The following RNASEH2B variants were observed in gnomAD, a reference collection of about 807,000 sequenced individuals.
RNASEH2B encodes the protein Aicardi-Goutieres syndrome 2 protein.
A neutral mutation model predicts 45.0 loss-of-function variants in RNASEH2B; 36 were observed. The observed-to-expected ratio is 0.80, with a 90% CI of 0.61 to 1.06. The LOEUF (loss-of-function observed/expected upper bound fraction) is 1.06. Ranked by LOEUF, RNASEH2B falls within the 50% of genes least tolerant of loss-of-function variation. The pLI, the probability that RNASEH2B is intolerant of heterozygous loss-of-function variation, is 0.00. For missense variants in RNASEH2B, 361 were observed against 360.3 expected, an observed-to-expected ratio of 1.00 and a Z score of -0.02; for synonymous variants, 119 against 125.7, an observed-to-expected ratio of 0.95 and a Z score of 0.35.
exon 10 of RNASEH2B, chr13:50,970,288 T>G (rs1476927175): frequency 4.0e-6 from 2 of 505,912 alleles, no homozygotes; most frequent in African/African-American, 2.0e-5. Context: ...TTAAAGTACT[T>G]GATTGTCTTG....
At chr13:50,931,117 G>A (rs1022695135) in intron 4 of RNASEH2B, among the ~76,000 whole-genome samples, 1 of 152,150 alleles carries the variant, frequency 6.6e-6, no homozygotes, top group Non-Finnish European at 1.5e-5. Flanking sequence ...TTGACCACAT[G>A]TCTTAAAGAG....
At chr13:50,941,586 T>C (rs1285998320) in intron 5 of RNASEH2B, 5 of 152,210 alleles carry the variant, frequency 3.3e-5, no homozygotes, top group African/African-American at 1.2e-4. Context: ...AGTTTTTTTT[T>C]CCTCAGGCAA....
chr13:50,963,391 C>T (rs981100739), intron 9 of RNASEH2B, among the ~76,000 whole-genome samples: 10 of 151,924 alleles, frequency 6.6e-5, no homozygotes, highest in Admixed American at 2.0e-4. Flanking sequence ...CTTGAACTCC[C>T]GACCTCAGGT....
chr13:50,923,150 A>C (rs1951546388), intron 1 of RNASEH2B, among the ~76,000 whole-genome samples: 1 of 152,176 alleles, frequency 6.6e-6, no homozygotes. Flanking sequence ...AAAAAGAATA[A>C]AGAAAACTGA....
intron 9 of RNASEH2B, chr13:50,950,968 A>C (rs1010857440): frequency 2.6e-5 from 4 of 152,248 alleles, no homozygotes; most frequent in African/African-American, 9.6e-5. Context: ...TATTGCAGCT[A>C]CTCAACTCTG....
At chr13:50,935,682 A>G (rs1188078119) in intron 5 of RNASEH2B, 1 of 152,930 alleles carries the variant, frequency 6.5e-6, no homozygotes, top group Non-Finnish European at 1.5e-5. Context: ...TGTATGGAAA[A>G]GTTTGTCAGG....
At chr13:50,910,299 T>G (rs1879286932) in intron 1 of RNASEH2B, 159 bp downstream of exon 1, 2 of 470,010 alleles carry the variant, frequency 4.3e-6, no homozygotes, top group East Asian at 7.4e-5. Flanking sequence ...TGGTCACACG[T>G]CATAGCAAGC....
chr13:50,927,325 A>G, intron 1 of RNASEH2B, 82 bp from the exon 2 acceptor site: 3 of 845,214 alleles, frequency 3.5e-6, no homozygotes, highest in South Asian at 1.3e-5. Flanking sequence ...ATATAAGTAG[A>G]AGAAAGGAAA....
intron 5 of RNASEH2B, chr13:50,935,668 C>G (rs1427861866): frequency 6.5e-6 from 1 of 152,958 alleles, no homozygotes; most frequent in Admixed American, 6.5e-5. Context: ...AACAGAGGCT[C>G]AGATGTATGG....
chr13:50,947,959 C>G, intron 7 of RNASEH2B, 28 bp from the exon 8 acceptor site: 1 of 1,583,614 alleles, frequency 6.3e-7, no homozygotes, highest in Non-Finnish European at 8.5e-7. Flanking sequence ...TTTTTTTTTG[C>G]TTTCACTCCT....
chr13:50,935,349 T>C (rs116084949), intron 5 of RNASEH2B: 6,452 of 309,026 alleles, frequency 0.021, 106 homozygotes, highest in African/African-American at 0.044. Context: ...TGTACCTTAA[T>C]AGATGGAAGC....
chr13:50,927,596 G>C, intron 2 of RNASEH2B, 118 bp downstream of exon 2: 1 of 723,648 alleles, frequency 1.4e-6, no homozygotes, highest in South Asian at 1.5e-5. Flanking sequence ...AGATGGCACC[G>C]TGAGGAGAAG....
chr13:50,958,579 T>C (rs1952079447), downstream of RNASEH2B, among the ~76,000 whole-genome samples: 1 of 152,188 alleles, frequency 6.6e-6, no homozygotes, highest in Admixed American at 6.5e-5. Flanking sequence ...TCCAAGCTTT[T>C]TTTTGGTTCC....
intron 1 of RNASEH2B, among the ~76,000 whole-genome samples, chr13:50,925,782 C>T (rs1951587206): frequency 6.6e-6 from 1 of 152,154 alleles, no homozygotes; most frequent in African/African-American, 2.4e-5. Context: ...CTCTGCAGAT[C>T]TCTGGGGTCT....
intron 2 of RNASEH2B, among the ~76,000 whole-genome samples, chr13:50,929,162 A>G (rs1173512570): frequency 6.6e-6 from 1 of 152,044 alleles, no homozygotes; most frequent in Non-Finnish European, 1.5e-5. Flanking sequence ...TTGTGTTTTG[A>G]TAGTTTAGGA....
At chr13:50,915,340 C>T in intron 1 of RNASEH2B, 1 of 398,230 alleles carries the variant, frequency 2.5e-6, no homozygotes, top group Non-Finnish European at 4.4e-6. Context: ...TCCGTCTTGA[C>T]TTTGTGTCTG....
Position 50,945,537 on chromosome 13 carries a change from G to A in RNASEH2B, c.616+5G>A, listed in dbSNP as rs1348217364. The A allele has an allele frequency of 6.3e-7, 1 of 1,596,694 alleles. No homozygotes were observed. Among genetic ancestry groups the A allele is most frequent in the Non-Finnish European group, 8.6e-7 (1 of 1,164,362 alleles). On this transcript the variant is annotated splice_donor_5th_base_variant and intron_variant, in intron 7 of 10. Coordinates refer to ENST00000336617, the MANE Select transcript of RNASEH2B (RefSeq NM_024570.4). ...AAGCTTCCACTGACAAGGAAGGTAA[G>A]TAAAGCATTTTATCAGAAAAGATTT...
chr13:50,930,159 G>A (rs1951658391), intron 3 of RNASEH2B: 2 of 220,712 alleles, frequency 9.1e-6, no homozygotes, highest in Non-Finnish European at 1.8e-5. Flanking sequence ...TTCTGGGGTG[G>A]GGGCAGTCAG....
At position 50,946,542 on chromosome 13, in the gene RNASEH2B, G is replaced by A. The variant is rs369106546; in HGVS notation, c.616+1010G>A. 2.0e-4 allele frequency among the ~76,000 whole-genome samples: 30 copies of A among 152,260 alleles called. 3 individuals carry two copies. The highest frequency in any genetic ancestry group is 1.4e-3 in the Admixed American group (21 of 15,296). On this transcript the variant is annotated intron_variant, in intron 7 of 10. Coordinates refer to ENST00000336617, the MANE Select transcript of RNASEH2B (RefSeq NM_024570.4). ...GAGGGATTGAGATAGATGATTAATG[G>A]ATAGATAGGTGGGTGGATAGATGCA...
Sources: gnomAD v4.1 joint callset for allele counts (sites outside exome capture counted in the v4.1 genomes callset) on GRCh38, gnomAD v4.1.1 for gene constraint, MANE v1.5 for transcripts, NCBI Gene and HGNC (gene_info 2026-07-23, HGNC 2026-07-21) for gene names.